Variants in MCF2L2 observed in about 807,000 individuals in gnomAD.
The protein encoded by MCF2L2 is probable guanine nucleotide exchange factor MCF2L2.
A neutral mutation model predicts 150.2 loss-of-function variants in MCF2L2; 102 were observed. The observed-to-expected ratio is 0.68, with a 90% CI of 0.58 to 0.80. The LOEUF is 0.80. Ranked by LOEUF, MCF2L2 falls within the 30% of genes least tolerant of loss-of-function variation. MCF2L2 has a pLI of 0.00. For missense variants in MCF2L2, 1,256 were observed against 1,372.8 expected, an observed-to-expected ratio of 0.91 and a Z score of 1.34; for synonymous variants, 465 against 491.3, an observed-to-expected ratio of 0.95 and a Z score of 0.71.
At chr3:183,310,800 G>A (rs538987147) in intron 9 of MCF2L2, 115 bp downstream of exon 9, 159 of 683,248 alleles carry the variant, frequency 2.3e-4, no homozygotes, top group Non-Finnish European at 3.7e-4. Context: ...AAGGAGATAA[G>A]GAGAAAGCTG....
At chr3:183,273,451 G>A (rs1726956785) in intron 15 of MCF2L2, 1 of 156,774 alleles carries the variant, frequency 6.4e-6, no homozygotes, top group Non-Finnish European at 1.4e-5. Context: ...CTGTCTTAAT[G>A]TACTACATGG....
intron 20 of MCF2L2, among the ~76,000 whole-genome samples, chr3:183,220,783 C>CT (rs1377145054): frequency 6.6e-6 from 1 of 152,076 alleles, no homozygotes; most frequent in Non-Finnish European, 1.5e-5. Flanking sequence ...AGGTGTAGAA[C>CT]TTTTTTAAAA....
At chr3:183,254,574 A>G (rs1724858263) in intron 15 of MCF2L2, 1 of 151,972 alleles carries the variant, frequency 6.6e-6, no homozygotes, top group African/African-American at 2.4e-5. Flanking sequence ...GTCCCTGAGG[A>G]GCTCCGGCTC....
rs1716263320 is a variant in MCF2L2 at position 183,427,984 on chromosome 3, G to GA, written c.-8dup. The GA allele has an allele frequency of 6.2e-7, 1 of 1,610,082 alleles. No homozygotes were observed. Among genetic ancestry groups the GA allele is most frequent in the Admixed American group, 1.7e-5 (1 of 59,960 alleles). ...CTTTTAAGCAAGACAGCATTTCACT[G>GA]AAAAACCATTCCGTATAAATAAAGC... On this transcript the variant is annotated 5_prime_UTR_variant, in exon 1 of 30. An upstream open reading frame in the 5' UTR loses its in-frame stop. Transcript: ENST00000328913.
Position 183,341,594 on chromosome 3 carries a change from G to A in MCF2L2, c.312C>T (p.Ile104=). Residue 104 remains isoleucine (I), a synonymous_variant, in exon 4 of 30, where the codon ATC becomes ATT. Transcript: ENST00000328913. ...AGCTCCACTTGTCTCTTCGTCTGTC[G>A]ATAACAACAATGAATCCAATGCTGG... The part of the protein sequence containing the change: ...EAASIGFIVV[I]DRRRDKWSSV... 3.1e-6 allele frequency: 5 copies of A among 1,614,018 alleles called. No homozygotes were observed. The highest frequency in any genetic ancestry group is 4.2e-6 in the Non-Finnish European group (5 of 1,179,946).
At chr3:183,286,042 T>C (rs999041706) in intron 14 of MCF2L2, among the ~76,000 whole-genome samples, 1 of 152,180 alleles carries the variant, frequency 6.6e-6, no homozygotes, top group Admixed American at 6.5e-5. Context: ...GTGAGCCAAG[T>C]GCAGGGCATC....
intron 1 of MCF2L2, among the ~76,000 whole-genome samples, chr3:183,420,199 G>T (rs1372257411): frequency 6.6e-6 from 1 of 152,186 alleles, no homozygotes; most frequent in Non-Finnish European, 1.5e-5. Flanking sequence ...TCCAACCTCT[G>T]CCTGTTACCC....
chr3:183,302,942 C>T (rs1728927151), intron 10 of MCF2L2, among the ~76,000 whole-genome samples: 1 of 151,408 alleles, frequency 6.6e-6, no homozygotes, highest in Non-Finnish European at 1.5e-5. Context: ...CACCAGTAAT[C>T]CCAGCACTTT....
At chr3:183,335,484 C>G (rs1302351149) in intron 5 of MCF2L2, among the ~76,000 whole-genome samples, 1 of 152,108 alleles carries the variant, frequency 6.6e-6, no homozygotes, top group African/African-American at 2.4e-5. Flanking sequence ...GAAACCTAGT[C>G]ACCAAGGTAA....
chr3:183,321,304 G>A (rs904396834), intron 6 of MCF2L2, among the ~76,000 whole-genome samples: 1 of 152,106 alleles, frequency 6.6e-6, no homozygotes, highest in East Asian at 1.9e-4. Flanking sequence ...TGGGCGTGGT[G>A]GCGCGTGCCT....
intron 3 of MCF2L2, among the ~76,000 whole-genome samples, chr3:183,352,230 A>T (rs956484827): frequency 6.6e-6 from 1 of 152,190 alleles, no homozygotes; most frequent in African/African-American, 2.4e-5. Context: ...CTTAGAATGG[A>T]CTAAAGGTGA....
chr3:183,270,153 T>G lies in MCF2L2; in HGVS notation c.1862+6719A>C, dbSNP rs1336419787. On this transcript the variant is annotated intron_variant, in intron 15 of 29. Coordinates refer to ENST00000328913, the MANE Select transcript of MCF2L2 (RefSeq NM_015078.4). The surrounding 1 kb of genome is among the most constrained non-coding windows in gnomAD (Gnocchi z 4.5). The stretch of plus-strand genomic sequence containing the variant: ...GTGGGGCAATGAAAATTATGTTCGG[T>G]CTCAGCTGAATGCCAACATCAAAAC... 2 of 1,614,168 alleles carry G rather than the reference T, an allele frequency of 1.2e-6. No homozygotes were observed. The highest frequency in any genetic ancestry group is 1.7e-6 in the Non-Finnish European group (2 of 1,180,020).
At chr3:183,390,663 GAGGGGGA>G (rs1714089227) in intron 1 of MCF2L2, among the ~76,000 whole-genome samples, 1 of 152,190 alleles carries the variant, frequency 6.6e-6, no homozygotes, top group Non-Finnish European at 1.5e-5. Context: ...TACTGAGGCC[GAGGGGGA>G]AGGACTATTT....
At chr3:183,410,559 A>G (rs1285469207) in intron 1 of MCF2L2, among the ~76,000 whole-genome samples, 1 of 152,046 alleles carries the variant, frequency 6.6e-6, no homozygotes, top group Non-Finnish European at 1.5e-5. Context: ...TCTAAATACC[A>G]TCCGTTCATT....
intron 14 of MCF2L2, among the ~76,000 whole-genome samples, chr3:183,277,268 C>T (rs907458790): frequency 5.4e-5 from 8 of 148,748 alleles, no homozygotes; most frequent in Middle Eastern, 3.3e-3. Context: ...ACCTGGGAGG[C>T]GGAGGTTGCA....
At chr3:183,224,262 A>T in intron 18 of MCF2L2, 72 bp from the exon 19 acceptor site, 1 of 946,512 alleles carries the variant, frequency 1.1e-6, no homozygotes, top group African/African-American at 1.6e-5. Context: ...GATACAGTTT[A>T]TTCATTCATT....
intron 15 of MCF2L2, among the ~76,000 whole-genome samples, chr3:183,255,018 T>C (rs1307529934): frequency 6.6e-6 from 1 of 152,252 alleles, no homozygotes; most frequent in Non-Finnish European, 1.5e-5. Flanking sequence ...TGGATCATGT[T>C]AAAGGTACAC....
At chr3:183,300,458 T>C (rs1728783532) in intron 10 of MCF2L2, among the ~76,000 whole-genome samples, 1 of 152,210 alleles carries the variant, frequency 6.6e-6, no homozygotes, top group Non-Finnish European at 1.5e-5. Flanking sequence ...GATATAGTGT[T>C]AACAAGCCCA....
chr3:183,387,931 C>CAAAAAA (rs61024469), intron 2 of MCF2L2, among the ~76,000 whole-genome samples: 12 of 72,356 alleles, frequency 1.7e-4, no homozygotes, highest in African/African-American at 5.1e-4. Flanking sequence ...GACTCCATCT[C>CAAAAAA]AAAAAAAAAA....
Sources: allele counts gnomAD v4.1 joint callset (sites outside exome capture counted in the v4.1 genomes callset), GRCh38; gene constraint gnomAD v4.1.1; non-coding constraint Gnocchi (gnomAD v3.1); transcripts MANE v1.5; gene names NCBI Gene and HGNC (gene_info 2026-07-23, HGNC 2026-07-21).